Variants in SND1 observed in about 807,000 individuals in gnomAD.
SND1 encodes staphylococcal nuclease and tudor domain containing 1, also known as staphylococcal nuclease domain-containing protein 1.
Under a neutral mutation model 121.7 loss-of-function variants are expected in SND1, and 38 were observed. The ratio of observed to expected loss-of-function variants is 0.31; its 90% CI spans 0.24 to 0.41. The LOEUF (loss-of-function observed/expected upper bound fraction) is 0.41. Ranked by LOEUF, SND1 falls within the 10% of genes least tolerant of loss-of-function variation. The probability of loss-of-function intolerance (pLI) is 1.00; values close to 1 mark genes in which losing one functional copy is unlikely to be tolerated. For synonymous variants in SND1, 401 were observed against 447.4 expected, an observed-to-expected ratio of 0.90 and a Z score of 1.31; for missense variants, 868 against 1,184.6, an observed-to-expected ratio of 0.73 and a Z score of 3.92.
intron 10 of SND1, among the ~76,000 whole-genome samples, chr7:127,802,010 T>A (rs111766061): frequency 0.11 from 17,260 of 151,492 alleles, 1,200 homozygotes; most frequent in Admixed American, 0.22. Flanking sequence ...CTTGGCTAAA[T>A]TTTTTTTTGT....
intron 10 of SND1, among the ~76,000 whole-genome samples, chr7:127,759,843 G>T (rs924703445): frequency 1.4e-4 from 21 of 152,146 alleles, no homozygotes; most frequent in Non-Finnish European, 2.5e-4. Flanking sequence ...ACAGTGAGAA[G>T]CCTTTGCTTC....
At chr7:127,882,628 G>A (rs1799815198) in intron 12 of SND1, among the ~76,000 whole-genome samples, 1 of 151,714 alleles carries the variant, frequency 6.6e-6, no homozygotes, top group South Asian at 2.1e-4. Context: ...AGAATGAAAG[G>A]GAGGGAGAGA....
intron 16 of SND1, among the ~76,000 whole-genome samples, chr7:128,002,599 T>A (rs1358760957): frequency 6.6e-6 from 1 of 152,218 alleles, no homozygotes; most frequent in Non-Finnish European, 1.5e-5. Context: ...GGTTTGACCA[T>A]CTTTGCAGTG....
intron 10 of SND1, among the ~76,000 whole-genome samples, chr7:127,807,037 A>G (rs139095465): frequency 1.7e-3 from 260 of 152,312 alleles, no homozygotes; most frequent in African/African-American, 5.9e-3. Context: ...TTTAAGTTTC[A>G]TAATTTTTGA....
intron 15 of SND1, among the ~76,000 whole-genome samples, chr7:127,935,674 G>A (rs1465562638): frequency 6.6e-6 from 1 of 152,224 alleles, no homozygotes; most frequent in East Asian, 1.9e-4. Flanking sequence ...AAGTGAGTAG[G>A]CATGCTATTC....
In SND1 at chr7:127,926,549, C is replaced by CTTTTTTTTTTTTTTT. The variant is rs71160605; in HGVS notation, c.1528-2630_1528-2616dup. Among the ~76,000 whole-genome samples, 9 of 90,554 alleles carry CTTTTTTTTTTTTTTT rather than the reference C, an allele frequency of 9.9e-5. 1 individual carries two copies. The highest frequency in any genetic ancestry group is 2.9e-4 in the East Asian group (1 of 3,436). 59.4% of individuals were successfully genotyped at this position (90,554 alleles called of 152,430 possible). A position where few individuals can be genotyped will look rare whatever the true frequency, so the allele number is the denominator to read the frequency against. ...GCTGTATGCCTTTGATTTTCTTTTT[C>CTTTTTTTTTTTTTTT]TTTTTTTTTTTTTTTTTTTTTTTGT... is the stretch of plus-strand genomic sequence containing the variant. On this transcript the variant is annotated intron_variant, in intron 14 of 23. Transcript: ENST00000354725.
At chr7:128,079,070 C>G (rs1009648144) in intron 17 of SND1, among the ~76,000 whole-genome samples, 2 of 152,220 alleles carry the variant, frequency 1.3e-5, no homozygotes, top group Non-Finnish European at 2.9e-5. Flanking sequence ...TCTCTGAGGC[C>G]GAGTGAGTCC....
intron 16 of SND1, among the ~76,000 whole-genome samples, chr7:128,063,708 T>C (rs1468352133): frequency 1.3e-5 from 2 of 152,252 alleles, no homozygotes; most frequent in Non-Finnish European, 2.9e-5. Flanking sequence ...GAACAAGCCC[T>C]ACCCAGATAA....
rs56081446 is a variant in SND1, at chr7:128,056,168, C to A, written c.1780-18334C>A. 5.4e-3 allele frequency among the ~76,000 whole-genome samples: 815 copies of A among 152,282 alleles called. 6 individuals are homozygous for A. Among genetic ancestry groups the A allele is most frequent in the Non-Finnish European group, 8.4e-3 (574 of 68,032 alleles). ...AGCAGATACTCAATAAGTGTTAATT[C>A]TCTTCCTCTTCCCTGTAACAAGGAG... On this transcript the variant is annotated intron_variant, in intron 16 of 23. Coordinates refer to ENST00000354725, the MANE Select transcript of SND1 (RefSeq NM_014390.4).
intron 16 of SND1, among the ~76,000 whole-genome samples, chr7:128,073,770 G>C (rs1793455325): frequency 6.6e-6 from 1 of 152,192 alleles, no homozygotes; most frequent in Admixed American, 6.5e-5. Context: ...TACCACGAGG[G>C]CCACGATCCT....
intron 18 of SND1, among the ~76,000 whole-genome samples, chr7:128,082,546 A>AG (rs1793622906): frequency 6.6e-6 from 1 of 152,146 alleles, no homozygotes; most frequent in Non-Finnish European, 1.5e-5. Flanking sequence ...GAAAAACGCA[A>AG]GGGGGAGGGG....
chr7:127,956,614 C>G (rs1443353015), intron 15 of SND1, among the ~76,000 whole-genome samples: 2 of 152,140 alleles, frequency 1.3e-5, no homozygotes, highest in Non-Finnish European at 2.9e-5. Context: ...GTCCTGTTTC[C>G]TGCACTGCCA....
chr7:128,034,979 T>TA (rs145852135), intron 16 of SND1, among the ~76,000 whole-genome samples: 1 of 152,314 alleles, frequency 6.6e-6, no homozygotes, highest in East Asian at 1.9e-4. Flanking sequence ...GAAGGCTACT[T>TA]ACACCCTAAG....
At chr7:127,790,809 T>G (rs1416202096) in intron 10 of SND1, among the ~76,000 whole-genome samples, 1 of 152,206 alleles carries the variant, frequency 6.6e-6, no homozygotes, top group South Asian at 2.1e-4. Flanking sequence ...TGAGCATGTC[T>G]TGAAGAATAT....
chr7:127,754,786 C>T (rs1050195433), intron 10 of SND1, among the ~76,000 whole-genome samples: 11 of 152,334 alleles, frequency 7.2e-5, no homozygotes, highest in African/African-American at 1.7e-4. Context: ...TTTATGCAGT[C>T]TCAACTGGGG....
intron 15 of SND1, among the ~76,000 whole-genome samples, chr7:127,933,277 G>A (rs940048494): frequency 6.6e-6 from 1 of 152,200 alleles, no homozygotes; most frequent in African/African-American, 2.4e-5. Context: ...GTTCCTGTGT[G>A]TATTTGGCAT....
intron 16 of SND1, among the ~76,000 whole-genome samples, chr7:128,013,485 GT>G (rs1341635369): frequency 2.0e-5 from 3 of 152,188 alleles, no homozygotes; most frequent in African/African-American, 7.2e-5. Context: ...TTAAAAATTA[GT>G]TTCTCAGTCA....
chr7:127,760,728 C>T (rs1217218111), intron 10 of SND1, among the ~76,000 whole-genome samples: 2 of 152,158 alleles, frequency 1.3e-5, no homozygotes, highest in African/African-American at 2.4e-5. Context: ...ACTTTTTTCC[C>T]TTAACCTAAT....
chr7:127,756,502 C>G (rs1797198371), intron 10 of SND1, among the ~76,000 whole-genome samples: 1 of 152,172 alleles, frequency 6.6e-6, no homozygotes, highest in African/African-American at 2.4e-5. Context: ...TATCTTCATT[C>G]TTGTGAAGCA....
Sources: gnomAD v4.1 joint callset for allele counts (sites outside exome capture counted in the v4.1 genomes callset) on GRCh38, gnomAD v4.1.1 for gene constraint, MANE v1.5 for transcripts, NCBI Gene and HGNC (gene_info 2026-07-23, HGNC 2026-07-21) for gene names.